CPQ: variants seen among roughly 807,000 people sequenced by gnomAD.
CPQ encodes the protein carboxypeptidase Q.
In CPQ, 37 loss-of-function variants were observed where a neutral mutation model predicts 45.7. The ratio of observed to expected loss-of-function variants is 0.81; its 90% confidence interval spans 0.62 to 1.07. The LOEUF is 1.07. Ranked by LOEUF, CPQ falls within the 50% of genes least tolerant of loss-of-function variation. The probability of loss-of-function intolerance (pLI) is 0.00; values close to 1 mark genes in which losing one functional copy is unlikely to be tolerated. For synonymous variants in CPQ, 186 were observed against 205.8 expected (o/e 0.90, Z 0.82); for missense variants, 537 against 572.9 (o/e 0.94, Z 0.64).
At chr8:96,808,206 A>G (rs943255669) in intron 2 of CPQ, among the ~76,000 whole-genome samples, 1 of 152,204 alleles carries the variant, frequency 6.6e-6, no homozygotes, top group Non-Finnish European at 1.5e-5. Flanking sequence ...ATATAGCTAT[A>G]TTTTATGAAA....
chr8:97,036,602 GTCTT>G (rs753336118), intron 6 of CPQ, among the ~76,000 whole-genome samples: 5 of 152,112 alleles, frequency 3.3e-5, no homozygotes, highest in African/African-American at 4.8e-5. Context: ...TAATGTTGCT[GTCTT>G]CTCTTCTCTT....
intron 6 of CPQ, among the ~76,000 whole-genome samples, chr8:97,048,068 G>A (rs1810291971): frequency 6.6e-6 from 1 of 152,140 alleles, no homozygotes; most frequent in African/African-American, 2.4e-5. Context: ...CAAGGACAGG[G>A]ATACATCAGA....
At chr8:97,038,825 C>CAAAAAAAAAAAAAA (rs35739621) in intron 6 of CPQ, among the ~76,000 whole-genome samples, 2 of 91,874 alleles carry the variant, frequency 2.2e-5, no homozygotes, top group Non-Finnish European at 2.1e-5. Context: ...ACCGTATTTA[C>CAAAAAAAAAAAAAA]AAAAAAAAAA....
intron 7 of CPQ, among the ~76,000 whole-genome samples, chr8:97,080,308 C>T (rs1467869453): frequency 6.6e-6 from 1 of 152,058 alleles, no homozygotes; most frequent in African/African-American, 2.4e-5. Flanking sequence ...TTAATCTGCT[C>T]GTTGAAACTT....
intron 4 of CPQ, among the ~76,000 whole-genome samples, chr8:96,942,129 G>A (rs1813130424): frequency 6.6e-6 from 1 of 152,146 alleles, no homozygotes; most frequent in Non-Finnish European, 1.5e-5. Flanking sequence ...GAAACAATTT[G>A]GCTACTTTTG....
chr8:96,983,225 T>C (rs1331581217), intron 5 of CPQ, among the ~76,000 whole-genome samples: 2 of 152,218 alleles, frequency 1.3e-5, no homozygotes, highest in Non-Finnish European at 2.9e-5. Context: ...GTTTATCCTT[T>C]TGTTTATTTC....
chr8:96,925,969 T>G (rs1812869043), intron 4 of CPQ, among the ~76,000 whole-genome samples: 1 of 152,196 alleles, frequency 6.6e-6, no homozygotes, highest in African/African-American at 2.4e-5. Context: ...ATTACAGGCA[T>G]GAGCCACCGC....
At chr8:96,739,893 T>C (rs1250286595) in intron 1 of CPQ, among the ~76,000 whole-genome samples, 1 of 152,118 alleles carries the variant, frequency 6.6e-6, no homozygotes, top group Non-Finnish European at 1.5e-5. Flanking sequence ...AGTCAGGTAG[T>C]GTGATGCCTC....
chr8:97,042,132 G>C (rs1810138327), intron 6 of CPQ, among the ~76,000 whole-genome samples: 1 of 152,212 alleles, frequency 6.6e-6, no homozygotes, highest in Non-Finnish European at 1.5e-5. Flanking sequence ...TTTTTGGTTG[G>C]TAAGCTATTG....
At chr8:96,793,342 C>G (rs1586403127) in intron 2 of CPQ, among the ~76,000 whole-genome samples, 1 of 152,152 alleles carries the variant, frequency 6.6e-6, no homozygotes, top group South Asian at 2.1e-4. Context: ...ACAATCGTGG[C>G]AGAAAGTGAA....
intron 1 of CPQ, among the ~76,000 whole-genome samples, chr8:96,689,376 A>G (rs1369607877): frequency 6.6e-6 from 1 of 152,160 alleles, no homozygotes; most frequent in African/African-American, 2.4e-5. Context: ...ACATTGTTAC[A>G]TGTCAAGGCT....
intron 7 of CPQ, among the ~76,000 whole-genome samples, chr8:97,122,993 A>T (rs1169837171): frequency 5.3e-5 from 4 of 75,594 alleles, no homozygotes; most frequent in African/African-American, 2.0e-4. Flanking sequence ...AAAATAAAAT[A>T]AAATAAAATA....
At chr8:96,771,353 T>C (rs1810541834) in intron 1 of CPQ, among the ~76,000 whole-genome samples, 1 of 151,898 alleles carries the variant, frequency 6.6e-6, no homozygotes, top group Non-Finnish European at 1.5e-5. Context: ...CTATAGACTT[T>C]ATTTAGGTTT....
intron 6 of CPQ, among the ~76,000 whole-genome samples, chr8:97,038,754 C>A (rs1157016747): frequency 1.4e-5 from 2 of 142,564 alleles, no homozygotes; most frequent in African/African-American, 5.2e-5. Flanking sequence ...CTCTACTCAA[C>A]TCTCATTGTA....
intron 3 of CPQ, among the ~76,000 whole-genome samples, chr8:96,869,700 A>G (rs997852060): frequency 4.6e-5 from 7 of 152,034 alleles, no homozygotes; most frequent in Non-Finnish European, 1.0e-4. Context: ...TTATGTGGGA[A>G]TTTGTTAGAA....
intron 2 of CPQ, among the ~76,000 whole-genome samples, chr8:96,805,476 G>C (rs1811067993): frequency 1.3e-5 from 2 of 152,130 alleles, no homozygotes; most frequent in Non-Finnish European, 2.9e-5. Context: ...AATAATACTA[G>C]TGTCTACTTC....
intron 4 of CPQ, among the ~76,000 whole-genome samples, chr8:96,889,106 G>A (rs1812341237): frequency 6.6e-6 from 1 of 152,206 alleles, no homozygotes; most frequent in Non-Finnish European, 1.5e-5. Context: ...ACAGCCCACG[G>A]TGGGTCTGAC....
chr8:96,906,177 T>A (rs1812574033), intron 4 of CPQ, among the ~76,000 whole-genome samples: 1 of 152,144 alleles, frequency 6.6e-6, no homozygotes, highest in Non-Finnish European at 1.5e-5. Flanking sequence ...AGACAACTGA[T>A]GGAAAGACAG....
intron 1 of CPQ, among the ~76,000 whole-genome samples, chr8:96,700,887 G>A (rs1028936046): frequency 6.6e-6 from 1 of 152,152 alleles, no homozygotes; most frequent in African/African-American, 2.4e-5. Flanking sequence ...GCAAAGAAGA[G>A]CTTTATACTA....
Sources: gnomAD v4.1 joint callset for allele counts (sites outside exome capture counted in the v4.1 genomes callset) on GRCh38, gnomAD v4.1.1 for gene constraint, MANE v1.5 for transcripts, NCBI Gene and HGNC (gene_info 2026-07-23, HGNC 2026-07-21) for gene names.